SEM1: variants seen among roughly 807,000 people sequenced by gnomAD.
SEM1 encodes 26S proteasome complex subunit SEM1.
In SEM1, 3 loss-of-function variants were observed where a neutral mutation model predicts 12.7. The ratio of observed to expected loss-of-function variants is 0.24; its 90% CI spans 0.11 to 0.61. SEM1 has a LOEUF of 0.61. Ranked by LOEUF, SEM1 falls within the 20% of genes least tolerant of loss-of-function variation. SEM1 has a pLI of 0.88. For synonymous variants in SEM1, 30 were observed against 27.8 expected (o/e 1.08, Z -0.25); for missense variants, 59 against 81.3 (o/e 0.73, Z 1.06).
chr7:96,592,999 T>TTTAAAA (rs60512379), intron 2 of SEM1, among the ~76,000 whole-genome samples: 1 of 128,084 alleles, frequency 7.8e-6, no homozygotes, highest in Non-Finnish European at 1.6e-5. Flanking sequence ...TCTCCCATAT[T>TTTAAAA]AAAAAAAAAA....
chr7:96,694,084 G>A (rs1018381657), intron 2 of SEM1, among the ~76,000 whole-genome samples: 3 of 151,850 alleles, frequency 2.0e-5, no homozygotes, highest in Non-Finnish European at 1.5e-5. Context: ...GTGAAAAAAG[G>A]TACGCACGCA....
At chr7:96,524,506 G>T (rs572931859) in intron 2 of SEM1, among the ~76,000 whole-genome samples, 63 of 151,846 alleles carry the variant, frequency 4.1e-4, no homozygotes, top group African/African-American at 1.2e-3. Flanking sequence ...CCATGCCACA[G>T]GTATAAATCA....
At chr7:96,554,665 G>A (rs1478135041) in intron 2 of SEM1, among the ~76,000 whole-genome samples, 1 of 151,298 alleles carries the variant, frequency 6.6e-6, no homozygotes, top group Non-Finnish European at 1.5e-5. Context: ...CTCTTTTTTT[G>A]TTGTGTCTCT....
At chr7:96,624,200 C>G (rs556716788) in intron 2 of SEM1, among the ~76,000 whole-genome samples, 2 of 152,110 alleles carry the variant, frequency 1.3e-5, no homozygotes, top group Admixed American at 1.3e-4. Flanking sequence ...ATAAGAAGAT[C>G]TAAAATTTAC....
intron 2 of SEM1, among the ~76,000 whole-genome samples, chr7:96,648,831 C>A (rs1245870869): frequency 6.6e-6 from 1 of 152,218 alleles, no homozygotes; most frequent in Non-Finnish European, 1.5e-5. Context: ...GCAGCCCTGA[C>A]AAAGCCTCGG....
chr7:96,500,042 A>T (rs1454478650), upstream of SEM1, among the ~76,000 whole-genome samples: 1 of 152,178 alleles, frequency 6.6e-6, no homozygotes, highest in Non-Finnish European at 1.5e-5. Context: ...AAGAAAATTC[A>T]TTTAATTTTC....
Position 96,567,519 on chromosome 7 carries a change from C to T in SEM1, c.171-60821G>A, listed in dbSNP as rs1212924476. ...GTATTTTTTTTCCTTTCCAATTCCA[C>T]ATTTATAACCTCTAAAGCAATGAGA... On this transcript the variant is annotated intron_variant and NMD_transcript_variant, in intron 2 of 3. Transcript: ENST00000466986. Among the ~76,000 whole-genome samples the T allele has an allele frequency of 2.0e-5, 3 of 151,338 alleles. No homozygotes were observed. The South Asian group carries it at 6.2e-4, about 31-fold the overall frequency.
chr7:96,487,124 G>A (rs1802803093), intron 1 of SEM1, among the ~76,000 whole-genome samples: 1 of 140,126 alleles, frequency 7.1e-6, no homozygotes, highest in South Asian at 2.1e-4. Context: ...ATAGGGCTGG[G>A]ACTAGGGAGA....
intron 1 of SEM1, among the ~76,000 whole-genome samples, chr7:96,707,111 G>A (rs1205195276): frequency 6.6e-6 from 1 of 152,134 alleles, no homozygotes; most frequent in East Asian, 1.9e-4. Flanking sequence ...TCCTGGTAAA[G>A]CCCACACTGA....
At chr7:96,590,139 T>C (rs1005028236) in intron 2 of SEM1, among the ~76,000 whole-genome samples, 4 of 152,170 alleles carry the variant, frequency 2.6e-5, no homozygotes, top group Admixed American at 1.3e-4. Context: ...CATTTCCCGG[T>C]AAAATATTAC....
downstream of SEM1, among the ~76,000 whole-genome samples, chr7:96,621,441 T>C (rs577462569): frequency 6.6e-5 from 10 of 152,296 alleles, no homozygotes; most frequent in East Asian, 1.9e-3. Flanking sequence ...AAAAAAGGAT[T>C]GTAGAGTAGC....
intron 2 of SEM1, among the ~76,000 whole-genome samples, chr7:96,559,205 T>G (rs1805620029): frequency 6.6e-6 from 1 of 152,222 alleles, no homozygotes; most frequent in Non-Finnish European, 1.5e-5. Context: ...TATAAATTTT[T>G]TCATATTTTT....
chr7:96,601,016 G>A (rs954331650), intron 2 of SEM1, among the ~76,000 whole-genome samples: 12 of 152,328 alleles, frequency 7.9e-5, no homozygotes, highest in African/African-American at 2.4e-4. Context: ...AGGGATGTTG[G>A]AGGAGGAAGG....
At chr7:96,697,711 T>C (rs1790141820) in intron 1 of SEM1, among the ~76,000 whole-genome samples, 1 of 152,080 alleles carries the variant, frequency 6.6e-6, no homozygotes, top group Non-Finnish European at 1.5e-5. Flanking sequence ...AAATACTAAA[T>C]TGAACATTCA....
intron 2 of SEM1, among the ~76,000 whole-genome samples, chr7:96,609,433 A>G (rs1462711120): frequency 6.6e-6 from 1 of 152,242 alleles, no homozygotes; most frequent in African/African-American, 2.4e-5. Context: ...TTTCTAATGC[A>G]TTACTTCACT....
intron 2 of SEM1, among the ~76,000 whole-genome samples, chr7:96,556,246 G>T (rs1458637559): frequency 6.6e-6 from 1 of 151,068 alleles, no homozygotes; most frequent in South Asian, 2.1e-4. Context: ...ATGTTAGCTG[G>T]TTATTTTGCT....
chr7:96,586,611 C>T (rs978834940), intron 2 of SEM1, among the ~76,000 whole-genome samples: 2 of 152,158 alleles, frequency 1.3e-5, no homozygotes, highest in Non-Finnish European at 2.9e-5. Flanking sequence ...AATCTCTATT[C>T]TCCAAAAACC....
intron 2 of SEM1, among the ~76,000 whole-genome samples, chr7:96,678,458 T>C (rs1420184419): frequency 6.6e-6 from 1 of 152,178 alleles, no homozygotes; most frequent in East Asian, 1.9e-4. Flanking sequence ...CCTAACTTAC[T>C]TGGTAGTATT....
chr7:96,601,362 G>A (rs563544972), intron 2 of SEM1, among the ~76,000 whole-genome samples: 1 of 152,158 alleles, frequency 6.6e-6, no homozygotes, highest in Non-Finnish European at 1.5e-5. Flanking sequence ...GGTAATAGGG[G>A]TTTAGAAGGA....
Sources: allele counts gnomAD v4.1 joint callset (sites outside exome capture counted in the v4.1 genomes callset), GRCh38; gene constraint gnomAD v4.1.1; transcripts MANE v1.5; gene names NCBI Gene and HGNC (gene_info 2026-07-23, HGNC 2026-07-21).